Variants in ATRNL1 observed in about 807,000 individuals in gnomAD.
The protein encoded by ATRNL1 is attractin like 1.
A neutral mutation model predicts 182.7 loss-of-function variants in ATRNL1; 95 were observed. The ratio of observed to expected loss-of-function variants is 0.52; its 90% CI spans 0.44 to 0.62. ATRNL1 has a LOEUF of 0.62. ATRNL1 is among the 20% of genes least tolerant of loss of function. The pLI, the probability that ATRNL1 is intolerant of heterozygous loss-of-function variation, is 0.00. For synonymous variants in ATRNL1, 576 were observed against 568.3 expected (o/e 1.01, Z -0.19); for missense variants, 1,471 against 1,679.5 (o/e 0.88, Z 2.17).
chr10:115,809,298 C>G (rs1555086370), intron 27 of ATRNL1, among the ~76,000 whole-genome samples: 1 of 133,462 alleles, frequency 7.5e-6, no homozygotes, highest in African/African-American at 2.8e-5. Flanking sequence ...TTTGTTTTGG[C>G]TATTCTAGAT....
chr10:115,543,148 A>G (rs1225718216), intron 25 of ATRNL1, among the ~76,000 whole-genome samples: 3 of 152,194 alleles, frequency 2.0e-5, no homozygotes, highest in Non-Finnish European at 2.9e-5. Flanking sequence ...CTTGCATTTG[A>G]AATAATCTTA....
chr10:115,181,659 A>G (rs1391372680), intron 8 of ATRNL1, among the ~76,000 whole-genome samples: 1 of 151,734 alleles, frequency 6.6e-6, no homozygotes, highest in Non-Finnish European at 1.5e-5. Context: ...ATTATTTCCA[A>G]CTATGCTAAA....
intron 27 of ATRNL1, among the ~76,000 whole-genome samples, chr10:115,760,629 TAC>T (rs1420637480): frequency 3.9e-5 from 6 of 152,122 alleles, no homozygotes; most frequent in Non-Finnish European, 7.4e-5. Flanking sequence ...TCTGAAACAA[TAC>T]ACACACACGT....
intron 27 of ATRNL1, among the ~76,000 whole-genome samples, chr10:115,783,096 A>G (rs1209153238): frequency 2.0e-5 from 3 of 152,218 alleles, no homozygotes; most frequent in Non-Finnish European, 2.9e-5. Context: ...CAGACAATGT[A>G]TATAATTTAT....
chr10:115,896,609 T>C (rs2134477292), intron 28 of ATRNL1, among the ~76,000 whole-genome samples: 1 of 152,186 alleles, frequency 6.6e-6, no homozygotes, highest in African/African-American at 2.4e-5. Context: ...CTATAGAGAT[T>C]AAAACAATGT....
At chr10:115,624,287 G>A (rs1362761204) in intron 26 of ATRNL1, among the ~76,000 whole-genome samples, 3 of 151,800 alleles carry the variant, frequency 2.0e-5, no homozygotes, top group Non-Finnish European at 4.4e-5. Flanking sequence ...AAAATACTTT[G>A]CAACTACATG....
chr10:115,320,185 G>A (rs576955887), intron 18 of ATRNL1, among the ~76,000 whole-genome samples: 16 of 152,152 alleles, frequency 1.1e-4, no homozygotes, highest in Middle Eastern at 3.4e-3. Context: ...ATTCTGGGTT[G>A]AAAATTATTT....
intron 26 of ATRNL1, among the ~76,000 whole-genome samples, chr10:115,631,852 C>T (rs1414693487): frequency 6.6e-6 from 1 of 151,996 alleles, no homozygotes; most frequent in Non-Finnish European, 1.5e-5. Context: ...TAGGACTGAG[C>T]TGTGAATAGC....
intron 27 of ATRNL1, among the ~76,000 whole-genome samples, chr10:115,813,438 A>C (rs758593681): frequency 6.6e-6 from 1 of 152,186 alleles, no homozygotes; most frequent in Non-Finnish European, 1.5e-5. Flanking sequence ...TAAGTTTAGA[A>C]AACTGAAGCT....
At chr10:115,301,254 A>G (rs756372890) in intron 16 of ATRNL1, among the ~76,000 whole-genome samples, 9 of 152,124 alleles carry the variant, frequency 5.9e-5, no homozygotes, top group Non-Finnish European at 1.3e-4. Context: ...TGGGGTATAT[A>G]TATATAGCCA....
intron 26 of ATRNL1, 58 bp from the exon 27 acceptor site, chr10:115,727,189 GT>G (rs1947625440): frequency 1.6e-6 from 2 of 1,226,922 alleles, no homozygotes; most frequent in African/African-American, 2.9e-5. Context: ...ACCAGATATT[GT>G]TGAATTTCAT....
At chr10:115,619,771 C>A (rs1555022079) in intron 26 of ATRNL1, among the ~76,000 whole-genome samples, 1 of 151,988 alleles carries the variant, frequency 6.6e-6, no homozygotes, top group Non-Finnish European at 1.5e-5. Context: ...TATAAAGTTT[C>A]TCTGATTTGT....
At chr10:115,299,954 A>G (rs782179185) in intron 15 of ATRNL1, 80 bp from the exon 16 acceptor site, 39 of 971,946 alleles carry the variant, frequency 4.0e-5, no homozygotes, top group Non-Finnish European at 5.5e-5. Context: ...ATTTTTAATG[A>G]TAGTGAACTA....
chr10:115,744,144 C>T (rs1948222597), intron 27 of ATRNL1, among the ~76,000 whole-genome samples: 1 of 152,018 alleles, frequency 6.6e-6, no homozygotes, highest in South Asian at 2.1e-4. Context: ...TACATCATAA[C>T]ATCTATGTGT....
intron 26 of ATRNL1, among the ~76,000 whole-genome samples, chr10:115,626,595 T>C (rs1858116407): frequency 6.6e-6 from 1 of 152,178 alleles, no homozygotes; most frequent in Admixed American, 6.5e-5. Context: ...TTTAAATCAT[T>C]TTTTGTGACT....
rs1946126684 is a variant in ATRNL1 at position 115,683,627 on chromosome 10, A to G, written c.3796-43621A>G. On this transcript the variant is annotated intron_variant, in intron 26 of 28. Transcript: ENST00000355044. The stretch of plus-strand genomic sequence containing the variant: ...TCACAGCAGCCTCACTGACTAGATA[A>G]CTTATCAATAAAAATACATGACTAA... 2.1e-5 allele frequency among the ~76,000 whole-genome samples: 3 copies of G among 145,172 alleles called. No individual in the cohort carries two copies. The South Asian group carries it at 6.5e-4, about 32-fold the overall frequency.
At chr10:115,370,832 G>T (rs1265928448) in intron 19 of ATRNL1, among the ~76,000 whole-genome samples, 6 of 152,222 alleles carry the variant, frequency 3.9e-5, no homozygotes, top group Admixed American at 3.9e-4. Context: ...AGACAGTGGG[G>T]GGAAATGTCT....
intron 21 of ATRNL1, among the ~76,000 whole-genome samples, chr10:115,453,654 G>A (rs968076070): frequency 6.6e-6 from 1 of 151,952 alleles, no homozygotes; most frequent in Non-Finnish European, 1.5e-5. Context: ...GTAGGGACAT[G>A]GATGAAATTG....
intron 27 of ATRNL1, among the ~76,000 whole-genome samples, chr10:115,778,705 A>G (rs1357540864): frequency 6.6e-6 from 1 of 152,242 alleles, no homozygotes; most frequent in African/African-American, 2.4e-5. Flanking sequence ...TGTTGGCAAC[A>G]GGAAGACATT....
Sources: gnomAD v4.1 joint callset for allele counts (sites outside exome capture counted in the v4.1 genomes callset) on GRCh38, gnomAD v4.1.1 for gene constraint, MANE v1.5 for transcripts, NCBI Gene and HGNC (gene_info 2026-07-23, HGNC 2026-07-21) for gene names.